LACTB2: variants seen among roughly 807,000 people sequenced by gnomAD.
LACTB2 encodes the protein endoribonuclease LACTB2.
Under a neutral mutation model 34.8 loss-of-function variants are expected in LACTB2, and 32 were observed. The observed-to-expected ratio is 0.92, with a 90% confidence interval of 0.69 to 1.24. The LOEUF (loss-of-function observed/expected upper bound fraction) is 1.24, where lower values mean the gene tolerates loss of function less well. Ranked by LOEUF, LACTB2 falls within the 50% of genes most tolerant of loss-of-function variation. The probability of loss-of-function intolerance (pLI) is 0.00; values close to 1 mark genes in which losing one functional copy is unlikely to be tolerated. For missense variants in LACTB2, 320 were observed against 345.0 expected, an observed-to-expected ratio of 0.93 and a Z score of 0.57; for synonymous variants, 120 against 117.5, an observed-to-expected ratio of 1.02 and a Z score of -0.14.
chr8:70,645,716 T>C (rs1818256089), intron 3 of LACTB2, among the ~76,000 whole-genome samples: 1 of 146,252 alleles, frequency 6.8e-6, no homozygotes, highest in Non-Finnish European at 1.5e-5. Flanking sequence ...CACTGTTCAA[T>C]TCCCACCTAT....
chr8:70,660,604 ACT>A lies in LACTB2; in HGVS notation c.286+1128_286+1129del, dbSNP rs922984258. 2.4e-5 allele frequency: 11 copies of A among 456,150 alleles called. No individual in the cohort carries two copies. The Middle Eastern group carries it at 2.0e-3, about 81-fold the overall frequency. The allele number at this position is 456,150 out of a possible 1,614,324, so 28.3% of individuals were successfully genotyped here. On this transcript the variant is annotated intron_variant, in intron 2 of 6. Coordinates refer to ENST00000276590, the MANE Select transcript of LACTB2 (RefSeq NM_016027.3). ...ACTGTGCCCTGAATGTGCCAACCAC[ACT>A]CTCATTCCACCATCTTTGCTCCTGC... is the stretch of plus-strand genomic sequence containing the variant.
At chr8:70,655,524 G>A (rs1042384558) in intron 3 of LACTB2, among the ~76,000 whole-genome samples, 5 of 151,902 alleles carry the variant, frequency 3.3e-5, no homozygotes, top group African/African-American at 9.7e-5. Flanking sequence ...GCCTGGCCCC[G>A]TAATTCATTC....
At chr8:70,650,113 G>C (rs528935774) in intron 3 of LACTB2, among the ~76,000 whole-genome samples, 12 of 152,118 alleles carry the variant, frequency 7.9e-5, no homozygotes, top group African/African-American at 2.9e-4. Flanking sequence ...CTCCCAAAGA[G>C]CTGGGATTAC....
At chr8:70,647,682 G>T (rs1300146044) in intron 3 of LACTB2, among the ~76,000 whole-genome samples, 1 of 152,206 alleles carries the variant, frequency 6.6e-6, no homozygotes, top group Non-Finnish European at 1.5e-5. Context: ...TAAATAAGCA[G>T]CAGGGAAAGC....
chr8:70,657,906 TATTA>T (rs761593725), intron 2 of LACTB2, 24 bp from the exon 3 acceptor site: 2 of 1,506,354 alleles, frequency 1.3e-6, no homozygotes, highest in Non-Finnish European at 9.1e-7. Flanking sequence ...ATATAAAATA[TATTA>T]ATTCACACTT....
At chr8:70,653,704 C>T (rs1432862049) in intron 3 of LACTB2, 1 of 152,144 alleles carries the variant, frequency 6.6e-6, no homozygotes, top group Non-Finnish European at 1.5e-5. Context: ...GTTAATTTCC[C>T]AGACACCCTA....
At chr8:70,648,531 C>A (rs1464628845) in intron 3 of LACTB2, among the ~76,000 whole-genome samples, 3 of 151,882 alleles carry the variant, frequency 2.0e-5, no homozygotes, top group African/African-American at 7.3e-5. Flanking sequence ...TAATAAAAAT[C>A]TCCCAGAAAG....
At chr8:70,662,045 AC>A (rs1818487033) in intron 1 of LACTB2, 148 bp from the exon 2 acceptor site, 1 of 618,722 alleles carries the variant, frequency 1.6e-6, no homozygotes, top group Non-Finnish European at 2.7e-6. Flanking sequence ...CTTCAGCTTA[AC>A]TACAGTAATC....
intron 5 of LACTB2, among the ~76,000 whole-genome samples, chr8:70,639,778 C>A (rs1818172859): frequency 6.6e-6 from 1 of 151,760 alleles, no homozygotes; most frequent in African/African-American, 2.4e-5. Context: ...GTCTGACCAA[C>A]ATTGAGAAAC....
intron 4 of LACTB2, among the ~76,000 whole-genome samples, chr8:70,642,375 G>T (rs187394569): frequency 6.6e-6 from 1 of 152,230 alleles, no homozygotes; most frequent in East Asian, 1.9e-4. Flanking sequence ...GTGTAAATGT[G>T]TTGAAGATAC....
At chr8:70,667,094 ATAAC>A (rs1224839120) in intron 1 of LACTB2, among the ~76,000 whole-genome samples, 1 of 152,242 alleles carries the variant, frequency 6.6e-6, no homozygotes, top group Non-Finnish European at 1.5e-5. Context: ...TATATACTGA[ATAAC>A]TAAAATAATT....
chr8:70,660,358 T>G, intron 2 of LACTB2: 1 of 310,930 alleles, frequency 3.2e-6, no homozygotes. Context: ...GACTGACAGA[T>G]TATAAGTTCC....
In LACTB2 at chr8:70,657,830, A is replaced by C. The variant is rs747721974; in HGVS notation, c.339T>G (p.Ile113Met). 4 of 1,611,174 alleles carry C rather than the reference A, an allele frequency of 2.5e-6. No individual in the cohort carries two copies. The highest frequency in any genetic ancestry group is 2.7e-5 in the African/African-American group (2 of 74,808). The stretch of plus-strand genomic sequence containing the variant: ...CATATTGTTGCTCTCCATTTCCTAT[A>C]ATTTCTTCTCTCTGAGGATTCCGTG... ...KLPRNPQREE[I>M]IGNGEQQYVY... Residue 113 changes from isoleucine (I) to methionine (M), a missense_variant, in exon 3 of 7, where the codon ATT becomes ATG. Coordinates refer to ENST00000276590, the MANE Select transcript of LACTB2 (RefSeq NM_016027.3).
chr8:70,660,444 C>G, intron 2 of LACTB2: 1 of 367,088 alleles, frequency 2.7e-6, no homozygotes, highest in South Asian at 2.1e-5. Context: ...TTTTTTATAA[C>G]TGGCAGCCTG....
chr8:70,660,670 C>T (rs913894196), intron 2 of LACTB2: 1 of 456,290 alleles, frequency 2.2e-6, no homozygotes, highest in Admixed American at 2.3e-5. Context: ...CAGGAGCTTG[C>T]TCCTTCTCTC....
intron 3 of LACTB2, chr8:70,646,589 T>A (rs1015669063): frequency 4.1e-5 from 6 of 147,362 alleles, no homozygotes; most frequent in Non-Finnish European, 1.5e-5. Context: ...ATGCATTTAT[T>A]TCCTTTTTCC....
intron 2 of LACTB2, chr8:70,660,663 G>C: frequency 2.2e-6 from 1 of 456,342 alleles, no homozygotes; most frequent in Non-Finnish European, 4.4e-6. Context: ...TTCCTGCCAG[G>C]AGCTTGCTCC....
chr8:70,643,984 T>G, intron 4 of LACTB2, 81 bp downstream of exon 4: 20 of 1,323,256 alleles, frequency 1.5e-5, no homozygotes, highest in Non-Finnish European at 1.6e-5. Flanking sequence ...GTCAGGAGTT[T>G]GAGAACAGCC....
intron 3 of LACTB2, among the ~76,000 whole-genome samples, chr8:70,655,066 T>C (rs1295368078): frequency 3.5e-5 from 5 of 142,580 alleles, no homozygotes; most frequent in Admixed American, 1.4e-4. Context: ...CCAAAGTCCA[T>C]TGTATTGTTC....
Sources: allele counts gnomAD v4.1 joint callset (sites outside exome capture counted in the v4.1 genomes callset), GRCh38; gene constraint gnomAD v4.1.1; transcripts MANE v1.5; gene names NCBI Gene and HGNC (gene_info 2026-07-23, HGNC 2026-07-21).